Variants in C9orf85 observed in about 807,000 individuals in gnomAD.
C9orf85 encodes uncharacterized protein C9orf85.
In C9orf85, 16 loss-of-function variants were observed where a neutral mutation model predicts 14.9. The observed-to-expected ratio is 1.08, with a 90% CI of 0.73 to 1.63. The LOEUF is 1.63. Among genes scored for constraint, C9orf85 ranks in the 40% most tolerant of loss-of-function variants. C9orf85 has a pLI of 0.00. For missense variants in C9orf85, 172 were observed against 186.1 expected (o/e 0.92, Z 0.44); for synonymous variants, 45 against 56.8 (o/e 0.79, Z 0.93).
intron 1 of C9orf85, among the ~76,000 whole-genome samples, chr9:71,935,433 G>A (rs1469886663): frequency 6.6e-6 from 1 of 152,044 alleles, no homozygotes; most frequent in Non-Finnish European, 1.5e-5. Flanking sequence ...CCTTAAAAAG[G>A]AAGGAAATTC....
rs79434247 is a variant in C9orf85 at position 71,932,687 on chromosome 9, T to A, written c.103-14319T>A. On this transcript the variant is annotated intron_variant, in intron 1 of 3. Coordinates refer to ENST00000334731, the MANE Select transcript of C9orf85 (RefSeq NM_182505.5). ...TGACTTCCAGGGTTACTATCTTATT[T>A]GATTCAAATGTTCGGTTTTCAAGAA... is the stretch of plus-strand genomic sequence containing the variant. Among the ~76,000 whole-genome samples, 95 of 152,252 alleles carry A rather than the reference T, an allele frequency of 6.2e-4. 1 individual carries two copies. The East Asian group carries it at 0.016, about 25-fold the overall frequency.
At chr9:71,927,440 G>T (rs147090261) in intron 1 of C9orf85, among the ~76,000 whole-genome samples, 9 of 152,226 alleles carry the variant, frequency 5.9e-5, no homozygotes, top group African/African-American at 2.2e-4. Context: ...AAAAATAGAA[G>T]AGGTAAATCT....
intron 2 of C9orf85, among the ~76,000 whole-genome samples, chr9:71,967,168 G>T (rs1399819757): frequency 6.6e-6 from 1 of 152,114 alleles, no homozygotes; most frequent in Non-Finnish European, 1.5e-5. Context: ...CTAGCTGAGG[G>T]TTCTTCTTCT....
rs1465484123 is a variant in C9orf85 at position 71,947,123 on chromosome 9, A to T, written c.209+11A>T. On this transcript the variant is annotated intron_variant, in intron 2 of 3. Coordinates refer to ENST00000334731, the MANE Select transcript of C9orf85 (RefSeq NM_182505.5). ...AAAACCTAAAAAGTGGTGAGTTAAG[A>T]TTCTTCATTACCTTACTTGGTGGTA... 1.3e-6 allele frequency: 2 copies of T among 1,540,284 alleles called. No individual in the cohort carries two copies. Among genetic ancestry groups the T allele is most frequent in the Non-Finnish European group, 1.8e-6 (2 of 1,115,038 alleles).
downstream of C9orf85, among the ~76,000 whole-genome samples, chr9:71,976,740 T>TC (rs397728491): frequency 4.6e-5 from 7 of 151,546 alleles, no homozygotes; most frequent in Non-Finnish European, 8.8e-5. Flanking sequence ...TTTTTTTTTT[T>TC]CAACTCCTCA....
chr9:71,956,214 A>AGG (rs1822375048), intron 2 of C9orf85, among the ~76,000 whole-genome samples: 1 of 151,566 alleles, frequency 6.6e-6, no homozygotes, highest in Non-Finnish European at 1.5e-5. Flanking sequence ...TGGGTATCAC[A>AGG]ATTGGTAATA....
downstream of C9orf85, chr9:71,985,826 G>A (rs1589281186): frequency 2.0e-5 from 3 of 152,304 alleles, no homozygotes; most frequent in Admixed American, 6.5e-5. Context: ...CTATAATAGA[G>A]AAGAAAAGGC....
At chr9:71,945,301 A>G (rs1822056131) in intron 1 of C9orf85, among the ~76,000 whole-genome samples, 2 of 152,210 alleles carry the variant, frequency 1.3e-5, no homozygotes, top group Non-Finnish European at 2.9e-5. Flanking sequence ...ATTAATAAGT[A>G]CAAAGGTTGA....
chr9:71,914,735 G>A (rs1051985029), intron 1 of C9orf85, among the ~76,000 whole-genome samples: 3 of 152,146 alleles, frequency 2.0e-5, no homozygotes, highest in African/African-American at 4.8e-5. Flanking sequence ...GGGAATCAAA[G>A]TAACAAAAAT....
At chr9:71,975,085 T>C (rs894976911), downstream of C9orf85, among the ~76,000 whole-genome samples, 1 of 152,184 alleles carries the variant, frequency 6.6e-6, no homozygotes, top group Admixed American at 6.5e-5. Context: ...TCAGAAAATA[T>C]TACCTGGGAA....
downstream of C9orf85, among the ~76,000 whole-genome samples, chr9:71,974,713 T>C (rs1822971333): frequency 6.6e-6 from 1 of 152,224 alleles, no homozygotes; most frequent in Non-Finnish European, 1.5e-5. Context: ...ATCTTCACTT[T>C]TGCTATGTAA....
chr9:71,952,514 A>G (rs944445660), intron 2 of C9orf85, among the ~76,000 whole-genome samples: 15 of 152,032 alleles, frequency 9.9e-5, no homozygotes, highest in African/African-American at 2.7e-4. Flanking sequence ...ACAGACGCCC[A>G]CCACCACACC....
chr9:71,985,036 T>G (rs2132384386), downstream of C9orf85: 1 of 152,356 alleles, frequency 6.6e-6, no homozygotes, highest in South Asian at 2.1e-4. Context: ...ACAGCCTGTT[T>G]CCCATCTCTC....
At chr9:71,960,796 A>G (rs1014776059) in intron 2 of C9orf85, among the ~76,000 whole-genome samples, 4 of 151,928 alleles carry the variant, frequency 2.6e-5, no homozygotes, top group Non-Finnish European at 5.9e-5. Flanking sequence ...ATCTGCCACA[A>G]AGTGCTGGGA....
In C9orf85 at chr9:71,972,906, G is replaced by C; in HGVS notation, c.*64G>C. The C allele has an allele frequency of 7.3e-7, 1 of 1,373,974 alleles. No individual in the cohort carries two copies. The highest frequency in any genetic ancestry group is 9.9e-7 in the Non-Finnish European group (1 of 1,014,404). The allele number at this position is 1,373,974 out of a possible 1,614,324, so 85.1% of individuals were successfully genotyped here. ...CGCCTGTAATCCCAACACTTTGGGA[G>C]GCCAAGGAGGGTGGATCACCTGAGG... On this transcript the variant is annotated 3_prime_UTR_variant, in exon 4 of 4. Coordinates refer to ENST00000334731, the MANE Select transcript of C9orf85 (RefSeq NM_182505.5).
intron 2 of C9orf85, 64 bp from the exon 3 acceptor site, chr9:71,971,439 CAT>C (rs1486640736): frequency 1.0e-6 from 1 of 953,454 alleles, no homozygotes; most frequent in African/African-American, 1.7e-5. Flanking sequence ...CATTTAGACA[CAT>C]CTTATTTTAT....
chr9:71,934,486 A>C (rs1828143184), intron 1 of C9orf85, among the ~76,000 whole-genome samples: 1 of 152,206 alleles, frequency 6.6e-6, no homozygotes, highest in Non-Finnish European at 1.5e-5. Context: ...ATGTTTTTGC[A>C]TCAAAAGACA....
Position 71,982,397 on chromosome 9 carries a change from A to G in C9orf85, c.324-260A>G, listed in dbSNP as rs370399289. Among the ~76,000 whole-genome samples the G allele has an allele frequency of 7.3e-4, 111 of 152,274 alleles. 1 individual carries two copies. Among genetic ancestry groups the G allele is most frequent in the African/African-American group, 2.6e-3 (109 of 41,558 alleles). On this transcript the variant is annotated intron_variant, in intron 3 of 3. Transcript: ENST00000377031. ...ATATGTTTTCATTTTTCGTGGATATATATACCTAAGAGGGAGATTAGATTG... is the reference window on the plus strand; with the variant it reads ...ATATGTTTTCATTTTTCGTGGATATGTATACCTAAGAGGGAGATTAGATTG...
rs561706217 is a variant in C9orf85, at chr9:71,972,850, G to C, written c.*8G>C. 3 of 1,587,872 alleles carry C rather than the reference G, an allele frequency of 1.9e-6. No homozygotes were observed. Among genetic ancestry groups the C allele is most frequent in the East Asian group, 2.3e-5 (1 of 43,744 alleles). ...GACCATCAAATGAATTAATATCACT[G>C]TATTAAAAGTCTGCCGGGCACAGTG... On this transcript the variant is annotated 3_prime_UTR_variant, in exon 4 of 4. Transcript: ENST00000334731.
Sources: gnomAD v4.1 joint callset for allele counts (sites outside exome capture counted in the v4.1 genomes callset) on GRCh38, gnomAD v4.1.1 for gene constraint, MANE v1.5 for transcripts, NCBI Gene and HGNC (gene_info 2026-07-23, HGNC 2026-07-21) for gene names.